Variants in RLN3 observed in about 807,000 individuals in gnomAD.
RLN3 encodes relaxin-3.
Under a neutral mutation model 10.2 loss-of-function variants are expected in RLN3, and 13 were observed. That is an observed-to-expected ratio of 1.28 (90% CI 0.83 to 2.03). The LOEUF is 2.03. RLN3 is among the 30% of genes most tolerant of loss of function. The pLI is 0.00. For missense variants in RLN3, 191 were observed against 187.2 expected (o/e 1.02, Z -0.12); for synonymous variants, 56 against 79.2 (o/e 0.71, Z 1.56).
chr19:14,030,105 A>C (rs1975774616), intron 1 of RLN3: 2 of 541,488 alleles, frequency 3.7e-6, no homozygotes, highest in Non-Finnish European at 6.6e-6. Flanking sequence ...TACAGGTGTG[A>C]GACACCGTGC....
rs141972504 is a variant in RLN3 at position 14,029,734 on chromosome 19, A to G, written c.191-976A>G. Among the ~76,000 whole-genome samples the G allele has an allele frequency of 4.0e-3, 616 of 152,110 alleles. 5 individuals are homozygous for G. Among genetic ancestry groups the G allele is most frequent in the African/African-American group, 0.014 (594 of 41,480 alleles). On this transcript the variant is annotated intron_variant, in intron 1 of 1. Coordinates refer to ENST00000431365, the MANE Select transcript of RLN3 (RefSeq NM_080864.4). ...ACTGCACCCACCTCAACTGGTTATCACTGAGAAGAATAAAGAAGTTAACCT... is the reference window on the plus strand; with the variant it reads ...ACTGCACCCACCTCAACTGGTTATCGCTGAGAAGAATAAAGAAGTTAACCT...
chr19:14,031,064 A>G lies in RLN3; in HGVS notation c.*116A>G. ...GCCTCACACATTCATTCATTCATCT[A>G]CAAGTCACAGAGGCACTGTGGGCTC... On this transcript the variant is annotated 3_prime_UTR_variant, in exon 2 of 2. Transcript: ENST00000431365. 2 of 772,378 alleles carry G rather than the reference A, an allele frequency of 2.6e-6. No individual in the cohort carries two copies. The highest frequency in any genetic ancestry group is 2.4e-5 in the Admixed American group (1 of 41,092). The allele number at this position is 772,378 out of a possible 1,614,324, so 47.8% of individuals were successfully genotyped here.
Position 14,028,194 on chromosome 19 carries a change from C to A in RLN3, c.-11C>A. 6.4e-7 allele frequency: 1 copy of A among 1,563,838 alleles called. No individual in the cohort carries two copies. The highest frequency in any genetic ancestry group is 8.7e-7 in the Non-Finnish European group (1 of 1,155,714). On this transcript the variant is annotated 5_prime_UTR_variant, in exon 1 of 2. Transcript: ENST00000431365. ...TGGCCCACTCTCACGTTCAAAGCAT[C>A]TCCGTCCAGCATGGCCAGGTACATG...
At position 14,028,307 on chromosome 19, in the gene RLN3, T is replaced by C; in HGVS notation, c.103T>C (p.Cys35Arg). The change falls in exon 1 of 2, where the codon TGC becomes CGC. Residue 35 changes from cysteine (C) to arginine (R), a missense_variant. Cys to Arg is a radical substitution (Grantham distance 180). Transcript: ENST00000431365. The stretch of plus-strand genomic sequence containing the variant: ...GGCAGCGCCTTACGGGGTCAGGCTT[T>C]GCGGCCGAGAATTCATCCGAGCAGT... ...ARAAPYGVRL[C>R]GREFIRAVIF... The C allele has an allele frequency of 1.2e-6, 2 of 1,613,780 alleles. No homozygotes were observed. Among genetic ancestry groups the C allele is most frequent in the Non-Finnish European group, 1.7e-6 (2 of 1,179,956 alleles).
At chr19:14,028,513 C>A (rs1311505827) in intron 1 of RLN3, 119 bp downstream of exon 1, 9 of 827,720 alleles carry the variant, frequency 1.1e-5, no homozygotes, top group Non-Finnish European at 1.7e-5. Flanking sequence ...CTGCCACATT[C>A]AGCCAGGGAC....
chr19:14,029,807 AT>A (rs1975770088), intron 1 of RLN3, among the ~76,000 whole-genome samples: 2 of 3,120 alleles, frequency 6.4e-4, no homozygotes, highest in African/African-American at 4.2e-3. Context: ...TGATCAATAA[AT>A]TATTATTATT....
rs1040148740 is a variant in RLN3, at chr19:14,030,993, C to T, written c.*45C>T. 10 of 1,316,866 alleles carry T rather than the reference C, an allele frequency of 7.6e-6. No homozygotes were observed. Among genetic ancestry groups the T allele is most frequent in the African/African-American group, 1.5e-5 (1 of 67,956 alleles). 81.6% of individuals were successfully genotyped at this position (1,316,866 alleles called of 1,614,324 possible). On this transcript the variant is annotated 3_prime_UTR_variant, in exon 2 of 2. Transcript: ENST00000431365. ...TGGGCACCAGGACCAATGCCCCAGT[C>T]CTGCCATCCACTCAACTAGTGTCTG...
In RLN3 at chr19:14,031,490, A is replaced by C; in HGVS notation, c.*542A>C. 1 of 265,368 alleles carries C rather than the reference A, an allele frequency of 3.8e-6. No homozygotes were observed. 16.4% of individuals were successfully genotyped at this position (265,368 alleles called of 1,614,324 possible). On this transcript the variant is annotated 3_prime_UTR_variant, in exon 2 of 2. Coordinates refer to ENST00000431365, the MANE Select transcript of RLN3 (RefSeq NM_080864.4). ...AGAGAAGGTGGCAGGTGGCCCCCCT[A>C]GGAGAGCTCTGGGCACATTCGAATC...
chr19:14,028,445 G>T lies in RLN3; in HGVS notation c.190+51G>T, dbSNP rs753142086. Reference sequence around the variant, plus strand: ...AGAAGGGGAACAGGTGGCTGGATGGGTCCCAGGAGCTAAGGACAGAGATAA... The same window carrying T: ...AGAAGGGGAACAGGTGGCTGGATGGTTCCCAGGAGCTAAGGACAGAGATAA... On this transcript the variant is annotated intron_variant, in intron 1 of 1. Transcript: ENST00000431365. The T allele has an allele frequency of 3.9e-6, 6 of 1,520,694 alleles. No individual in the cohort carries two copies. The South Asian group carries it at 7.3e-5, about 18-fold the overall frequency. The allele number at this position is 1,520,694 out of a possible 1,614,324, so 94.2% of individuals were successfully genotyped here.
Position 14,028,200 on chromosome 19 carries a change from C to A in RLN3, c.-5C>A. On this transcript the variant is annotated 5_prime_UTR_variant, in exon 1 of 2. Transcript: ENST00000431365. ...ACTCTCACGTTCAAAGCATCTCCGT[C>A]CAGCATGGCCAGGTACATGCTGCTG... 6.4e-7 allele frequency: 1 copy of A among 1,574,022 alleles called. No homozygotes were observed.
At position 14,028,364 on chromosome 19, in the gene RLN3, C is replaced by A. The variant is rs758973862; in HGVS notation, c.160C>A (p.Arg54=). The change falls in exon 1 of 2, where the codon CGA becomes AGA. Residue 54 remains arginine (R), a synonymous_variant. Coordinates refer to ENST00000431365, the MANE Select transcript of RLN3 (RefSeq NM_080864.4). ...IFTCGGSRWR[R]SDILAHEAMG... ...CACCTGCGGGGGCTCCCGGTGGAGACGATCAGACATCCTGGCCCACGAGGC... is the reference window on the plus strand; with the variant it reads ...CACCTGCGGGGGCTCCCGGTGGAGAAGATCAGACATCCTGGCCCACGAGGC... The A allele has an allele frequency of 1.9e-6, 3 of 1,612,578 alleles. No individual in the cohort carries two copies. In the African/African-American group the frequency reaches 4.0e-5, roughly 22 times the overall value.
intron 1 of RLN3, among the ~76,000 whole-genome samples, chr19:14,028,977 CTA>C (rs1683456129): frequency 6.6e-6 from 1 of 152,026 alleles, no homozygotes; most frequent in Admixed American, 6.6e-5. Flanking sequence ...AGGGGTCTCA[CTA>C]TGTTGCCTAG....
At chr19:14,028,508 A>C in intron 1 of RLN3, 114 bp downstream of exon 1, 1 of 914,860 alleles carries the variant, frequency 1.1e-6, no homozygotes, top group Admixed American at 2.9e-5. Context: ...CTGTCCTGCC[A>C]CATTCAGCCA....
chr19:14,030,226 A>AT (rs1048083374), intron 1 of RLN3: 5 of 700,218 alleles, frequency 7.1e-6, no homozygotes, highest in African/African-American at 7.0e-5. Context: ...TGGAGTAATT[A>AT]TTTTTTTCCA....
At position 14,028,259 on chromosome 19, in the gene RLN3, C is replaced by G; in HGVS notation, c.55C>G (p.Leu19Val). The part of the protein sequence containing the change: ...LLAVWVLTGE[L>V]WPGAEARAAP... ...GGCGGTATGGGTGCTGACCGGGGAG[C>G]TGTGGCCGGGAGCTGAGGCCCGGGC... The change falls in exon 1 of 2, where the codon CTG becomes GTG. Residue 19 changes from leucine (L) to valine (V), a missense_variant. Transcript: ENST00000431365. The G allele has an allele frequency of 6.2e-7, 1 of 1,612,912 alleles. No homozygotes were observed. The highest frequency in any genetic ancestry group is 8.5e-7 in the Non-Finnish European group (1 of 1,179,552).
At chr19:14,029,355 ATTT>A (rs60592967) in intron 1 of RLN3, among the ~76,000 whole-genome samples, 1 of 143,214 alleles carries the variant, frequency 7.0e-6, no homozygotes, top group Non-Finnish European at 1.5e-5. Flanking sequence ...ATGTGCTACT[ATTT>A]TTTTTTTTTT....
At chr19:14,030,180 T>A (rs1420580830) in intron 1 of RLN3, 19 of 653,046 alleles carry the variant, frequency 2.9e-5, no homozygotes, top group African/African-American at 5.5e-5. Flanking sequence ...TTTTTTTTTT[T>A]AATGAATATT....
Position 14,030,743 on chromosome 19 carries a change from AC to A in RLN3, c.225del (p.Asp75GlufsTer19). Reference sequence around the variant, plus strand: ...TTCCCGGATGCAGATGCTGATGAAGACAGTCTGGCAGGCGAGCTGGATGAGG... The same window carrying A: ...TTCCCGGATGCAGATGCTGATGAAGAAGTCTGGCAGGCGAGCTGGATGAGG... ...DTFPDADADE[D>X]SLAGELDEAM... On this transcript the variant is annotated frameshift_variant, in exon 2 of 2. Transcript: ENST00000431365. LOFTEE classifies it low-confidence loss of function (END_TRUNC). 2 of 1,614,224 alleles carry A rather than the reference AC, an allele frequency of 1.2e-6. No homozygotes were observed. The highest frequency in any genetic ancestry group is 1.7e-6 in the Non-Finnish European group (2 of 1,180,038).
At position 14,030,694 on chromosome 19, in the gene RLN3, T is replaced by C. The variant is rs775715881; in HGVS notation, c.191-16T>C. On this transcript the variant is annotated splice_polypyrimidine_tract_variant and intron_variant, in intron 1 of 1. Transcript: ENST00000431365. The stretch of plus-strand genomic sequence containing the variant: ...GCAGCTGAGCCCTGATCACTAACTC[T>C]GTTCATCTTTTGCAGGAGATACCTT... The C allele has an allele frequency of 1.2e-6, 2 of 1,609,264 alleles. No individual in the cohort carries two copies. Among genetic ancestry groups the C allele is most frequent in the Non-Finnish European group, 8.5e-7 (1 of 1,175,468 alleles).
Sources: gnomAD v4.1 joint callset for allele counts (sites outside exome capture counted in the v4.1 genomes callset) on GRCh38, gnomAD v4.1.1 for gene constraint, MANE v1.5 for transcripts, NCBI Gene and HGNC (gene_info 2026-07-23, HGNC 2026-07-21) for gene names.